The following IMMP2L variants were observed in gnomAD, a reference collection of about 807,000 sequenced individuals.
IMMP2L encodes mitochondrial inner membrane protease subunit 2.
A neutral mutation model predicts 19.3 loss-of-function variants in IMMP2L; 18 were observed. The observed-to-expected ratio is 0.93, with a 90% confidence interval of 0.64 to 1.38. The LOEUF (loss-of-function observed/expected upper bound fraction) is 1.38, where lower values mean the gene tolerates loss of function less well. Ranked by LOEUF, IMMP2L falls within the 40% of genes most tolerant of loss-of-function variation. The pLI is 0.00. For missense variants in IMMP2L, 233 were observed against 218.2 expected (o/e 1.07, Z -0.43); for synonymous variants, 76 against 73.0 (o/e 1.04, Z -0.21).
intron 2 of IMMP2L, among the ~76,000 whole-genome samples, chr7:111,488,033 C>T (rs779648201): frequency 1.3e-4 from 20 of 152,020 alleles, no homozygotes; most frequent in Non-Finnish European, 5.9e-5. Context: ...CATACAGGCA[C>T]AAAAATTTGA....
intron 3 of IMMP2L, among the ~76,000 whole-genome samples, chr7:111,307,928 T>C (rs1823054832): frequency 6.6e-6 from 1 of 151,940 alleles, no homozygotes; most frequent in Non-Finnish European, 1.5e-5. Flanking sequence ...ATTAAGGGGA[T>C]TTGAATACAT....
intron 3 of IMMP2L, among the ~76,000 whole-genome samples, chr7:111,366,427 T>A (rs944510438): frequency 1.3e-5 from 2 of 149,698 alleles, no homozygotes; most frequent in Non-Finnish European, 3.0e-5. Context: ...AGCTGAAGAA[T>A]TGTTATAGAT....
At chr7:111,362,462 T>C (rs190574259) in intron 3 of IMMP2L, among the ~76,000 whole-genome samples, 3 of 152,150 alleles carry the variant, frequency 2.0e-5, no homozygotes, top group Admixed American at 1.3e-4. Flanking sequence ...TAGTATAAGG[T>C]TTCACATACA....
At chr7:110,993,360 T>C (rs1384663017) in intron 3 of IMMP2L, among the ~76,000 whole-genome samples, 1 of 152,204 alleles carries the variant, frequency 6.6e-6, no homozygotes, top group African/African-American at 2.4e-5. Flanking sequence ...GTTACATTGA[T>C]TGTCCAATGA....
chr7:111,105,741 T>C (rs556019419), intron 3 of IMMP2L, among the ~76,000 whole-genome samples: 151 of 151,938 alleles, frequency 9.9e-4, no homozygotes, highest in African/African-American at 3.4e-3. Context: ...GTACTAACAA[T>C]TTATGCAAAA....
At chr7:111,519,964 G>A (rs533046906) in intron 2 of IMMP2L, among the ~76,000 whole-genome samples, 1 of 152,204 alleles carries the variant, frequency 6.6e-6, no homozygotes, top group African/African-American at 2.4e-5. Flanking sequence ...AAAAAGGAAT[G>A]TGGGTGGCTG....
At chr7:111,042,286 T>C (rs1449125308) in intron 3 of IMMP2L, among the ~76,000 whole-genome samples, 3 of 152,120 alleles carry the variant, frequency 2.0e-5, no homozygotes, top group Non-Finnish European at 4.4e-5. Flanking sequence ...TTCCAGTGAT[T>C]CTCTTGCCTC....
intron 3 of IMMP2L, among the ~76,000 whole-genome samples, chr7:111,249,865 T>TTGAAAAGATTAA (rs1815877520): frequency 6.6e-6 from 1 of 152,172 alleles, no homozygotes. Context: ...ATGACCTCTT[T>TTGAAAAGATTAA]CAACATTCCC....
chr7:110,723,088 C>A (rs1795676875), intron 5 of IMMP2L, among the ~76,000 whole-genome samples: 1 of 152,018 alleles, frequency 6.6e-6, no homozygotes, highest in African/African-American at 2.4e-5. Context: ...CACAGACATA[C>A]CAACCATAAG....
intron 4 of IMMP2L, among the ~76,000 whole-genome samples, chr7:110,915,984 T>C (rs1388702771): frequency 6.6e-6 from 1 of 152,178 alleles, no homozygotes; most frequent in Non-Finnish European, 1.5e-5. Flanking sequence ...GTTAAGTGTT[T>C]AACACAGCCA....
intron 3 of IMMP2L, among the ~76,000 whole-genome samples, chr7:111,211,683 A>G (rs1044546301): frequency 2.0e-5 from 3 of 152,192 alleles, no homozygotes; most frequent in African/African-American, 7.2e-5. Context: ...GACTGTGCAA[A>G]GAGGTTGGAA....
intron 5 of IMMP2L, among the ~76,000 whole-genome samples, chr7:110,845,654 T>A (rs1312923360): frequency 6.6e-6 from 1 of 152,158 alleles, no homozygotes; most frequent in Non-Finnish European, 1.5e-5. Context: ...CTTGAATTCT[T>A]TGCAGTGCTT....
chr7:110,879,708 T>C (rs899966827), intron 5 of IMMP2L, among the ~76,000 whole-genome samples: 15 of 152,192 alleles, frequency 9.9e-5, no homozygotes, highest in African/African-American at 3.4e-4. Flanking sequence ...TGCAGATTCC[T>C]CTTGGGACTT....
At chr7:111,511,898 A>G (rs1845484671) in intron 2 of IMMP2L, among the ~76,000 whole-genome samples, 1 of 152,132 alleles carries the variant, frequency 6.6e-6, no homozygotes, top group Admixed American at 6.6e-5. Context: ...TCCCCGTATC[A>G]GGTGTCAAAG....
intron 5 of IMMP2L, among the ~76,000 whole-genome samples, chr7:110,822,646 A>G (rs1225773079): frequency 6.6e-6 from 1 of 152,136 alleles, no homozygotes; most frequent in Non-Finnish European, 1.5e-5. Flanking sequence ...GAATAGATTT[A>G]GTTCCAGGCT....
intron 5 of IMMP2L, among the ~76,000 whole-genome samples, chr7:110,812,800 A>G (rs1351084928): frequency 6.6e-6 from 1 of 151,968 alleles, no homozygotes; most frequent in Non-Finnish European, 1.5e-5. Context: ...CAGGACACTC[A>G]TTTCGTTTTT....
At chr7:110,918,752 C>T (rs1293278806) in intron 4 of IMMP2L, among the ~76,000 whole-genome samples, 3 of 152,058 alleles carry the variant, frequency 2.0e-5, no homozygotes, top group South Asian at 2.1e-4. Context: ...CTGCACCTGG[C>T]CCCAGAAATA....
At chr7:111,371,942 T>C (rs2131112231) in intron 3 of IMMP2L, among the ~76,000 whole-genome samples, 1 of 152,178 alleles carries the variant, frequency 6.6e-6, no homozygotes, top group East Asian at 1.9e-4. Context: ...TCATAACTGG[T>C]ATTCTTCAAA....
intron 4 of IMMP2L, among the ~76,000 whole-genome samples, chr7:110,909,343 C>G (rs1471468515): frequency 6.6e-6 from 1 of 152,106 alleles, no homozygotes; most frequent in East Asian, 1.9e-4. Flanking sequence ...ATTGCTTATT[C>G]TGCGACAAGA....
Sources: allele counts gnomAD v4.1 joint callset (sites outside exome capture counted in the v4.1 genomes callset), GRCh38; gene constraint gnomAD v4.1.1; transcripts MANE v1.5; gene names NCBI Gene and HGNC (gene_info 2026-07-23, HGNC 2026-07-21).